The following RGSL1 variants were observed in gnomAD, a reference collection of about 807,000 sequenced individuals.
RGSL1 encodes regulator of G protein signaling like 1.
RGSL1 carries 97 observed loss-of-function variants against 124.7 expected under a neutral mutation model. The observed-to-expected ratio is 0.78, with a 90% CI of 0.66 to 0.92. RGSL1 has a LOEUF of 0.92. Among genes scored for constraint, RGSL1 ranks in the 40% least tolerant of loss-of-function variants. The probability of loss-of-function intolerance (pLI) is 0.00; values close to 1 mark genes in which losing one functional copy is unlikely to be tolerated. For synonymous variants in RGSL1, 424 were observed against 438.1 expected, an observed-to-expected ratio of 0.97 and a Z score of 0.40; for missense variants, 1,233 against 1,288.4, an observed-to-expected ratio of 0.96 and a Z score of 0.66.
intron 9 of RGSL1, among the ~76,000 whole-genome samples, chr1:182,501,340 G>C (rs1656370578): frequency 1.7e-5 from 1 of 57,218 alleles, no homozygotes; most frequent in Non-Finnish European, 3.1e-5. Flanking sequence ...TTTTTTTTGA[G>C]ACAGAGTCTT....
chr1:182,471,095 C>A (rs1021187654), intron 4 of RGSL1, among the ~76,000 whole-genome samples: 1 of 152,138 alleles, frequency 6.6e-6, no homozygotes, highest in African/African-American at 2.4e-5. Flanking sequence ...TCCCATGAAC[C>A]TTAACACATG....
chr1:182,457,397 T>G (rs1480764305), intron 2 of RGSL1, among the ~76,000 whole-genome samples: 1 of 152,200 alleles, frequency 6.6e-6, no homozygotes, highest in Non-Finnish European at 1.5e-5. Context: ...CAGTGTGTGT[T>G]GTGTTACACA....
intron 19 of RGSL1, 64 bp downstream of exon 19, chr1:182,553,605 G>C: frequency 7.1e-7 from 1 of 1,416,748 alleles, no homozygotes; most frequent in East Asian, 2.5e-5. Context: ...TTTAAAACCA[G>C]CTTGGCCAAT....
At chr1:182,553,285 A>T (rs933774277) in intron 18 of RGSL1, among the ~76,000 whole-genome samples, 170 bp from the exon 19 acceptor site, 1 of 152,234 alleles carries the variant, frequency 6.6e-6, no homozygotes, top group African/African-American at 2.4e-5. Flanking sequence ...TGGAGGCAAC[A>T]TTCAAACCAT....
rs1658856661 is a variant in RGSL1, at chr1:182,527,714, T to C, written c.2067T>C (p.Ile689=). Residue 689 remains isoleucine (I), a synonymous_variant, in exon 11 of 22, where the codon ATT becomes ATC. Coordinates refer to ENST00000294854, the MANE Select transcript of RGSL1 (RefSeq NM_001137669.2). ...TCAGTATAGAGACCAATGAAAAGAT[T>C]TGCAAGTCTCTCATAGAAAATGTAA... The part of the protein sequence containing the change: ...QKISIETNEK[I]CKSLIENVIK... The C allele has an allele frequency of 6.4e-7, 1 of 1,551,236 alleles. No individual in the cohort carries two copies. The highest frequency in any genetic ancestry group is 8.7e-7 in the Non-Finnish European group (1 of 1,146,718).
intron 11 of RGSL1, among the ~76,000 whole-genome samples, chr1:182,528,489 G>A (rs1461544686): frequency 2.0e-5 from 3 of 152,082 alleles, no homozygotes; most frequent in Admixed American, 6.6e-5. Context: ...CTGTAAAATC[G>A]AAAGCAAGTT....
intron 7 of RGSL1, 70 bp from the exon 8 acceptor site, chr1:182,488,910 A>G (rs1037023126): frequency 8.0e-7 from 1 of 1,256,212 alleles, no homozygotes; most frequent in Non-Finnish European, 1.1e-6. Context: ...GCACTGAGTT[A>G]TTACAAAATT....
At chr1:182,501,307 C>CTTTTTTTTTTTTTTTTTTTTTTTTTTTTT (rs141279993) in intron 9 of RGSL1, among the ~76,000 whole-genome samples, 21 of 61,360 alleles carry the variant, frequency 3.4e-4, no homozygotes, top group Admixed American at 8.2e-4. Flanking sequence ...TTTTTCTTTT[C>CTTTTTTTTTTTTTTTTTTTTTTTTTTTTT]TTTTTTTTTT....
chr1:182,494,609 T>A (rs976543060), intron 9 of RGSL1, among the ~76,000 whole-genome samples: 7 of 152,218 alleles, frequency 4.6e-5, no homozygotes, highest in Non-Finnish European at 7.3e-5. Context: ...ATGACAAATT[T>A]CCCTAAGTAA....
At chr1:182,508,296 T>TG (rs1432391717) in intron 9 of RGSL1, among the ~76,000 whole-genome samples, 2 of 135,264 alleles carry the variant, frequency 1.5e-5, no homozygotes, top group Admixed American at 1.5e-4. Flanking sequence ...TGGTGTTTTT[T>TG]TTTTTTTTTT....
At chr1:182,477,276 A>G (rs1352133358) in intron 6 of RGSL1, among the ~76,000 whole-genome samples, 1 of 152,082 alleles carries the variant, frequency 6.6e-6, no homozygotes, top group Non-Finnish European at 1.5e-5. Flanking sequence ...GACTCAGTCC[A>G]GCATCATTTG....
At chr1:182,492,074 G>C (rs1395662399) in intron 8 of RGSL1, among the ~76,000 whole-genome samples, 1 of 152,196 alleles carries the variant, frequency 6.6e-6, no homozygotes, top group Non-Finnish European at 1.5e-5. Flanking sequence ...ATAATATTCA[G>C]ATAGGTAAGT....
intron 4 of RGSL1, among the ~76,000 whole-genome samples, chr1:182,469,801 T>A (rs1285243484): frequency 6.6e-6 from 1 of 152,114 alleles, no homozygotes; most frequent in Non-Finnish European, 1.5e-5. Context: ...ATTTTAAATA[T>A]ATATATATGC....
chr1:182,463,430 C>CA (rs1272416232), intron 4 of RGSL1, among the ~76,000 whole-genome samples: 1 of 151,728 alleles, frequency 6.6e-6, no homozygotes, highest in Non-Finnish European at 1.5e-5. Flanking sequence ...ACTTTAGAGT[C>CA]AAAGACATAG....
intron 8 of RGSL1, 21 bp downstream of exon 8, chr1:182,489,223 T>G (rs767485666): frequency 1.3e-6 from 2 of 1,537,176 alleles, no homozygotes; most frequent in South Asian, 2.4e-5. Flanking sequence ...TCACTGTAAT[T>G]TTTTTGACCT....
intron 9 of RGSL1, among the ~76,000 whole-genome samples, chr1:182,516,330 T>C (rs1272307874): frequency 6.6e-6 from 1 of 152,242 alleles, no homozygotes; most frequent in Non-Finnish European, 1.5e-5. Flanking sequence ...CTCTATCTCC[T>C]GTCCATATCA....
chr1:182,488,046 C>A (rs952559845), intron 6 of RGSL1, among the ~76,000 whole-genome samples: 10 of 152,154 alleles, frequency 6.6e-5, no homozygotes, highest in African/African-American at 2.4e-4. Context: ...CATCTCTCTT[C>A]TTAAGTAAAT....
chr1:182,506,852 T>G (rs1294770914), intron 9 of RGSL1, among the ~76,000 whole-genome samples: 1 of 152,220 alleles, frequency 6.6e-6, no homozygotes, highest in African/African-American at 2.4e-5. Flanking sequence ...TTAGTATACT[T>G]GGGATATCCA....
At chr1:182,488,255 CAT>C (rs1655244022) in intron 6 of RGSL1, 28 bp from the exon 7 acceptor site, 6 of 1,548,522 alleles carry the variant, frequency 3.9e-6, no homozygotes, top group Non-Finnish European at 5.2e-6. Flanking sequence ...CCATCCACCT[CAT>C]AATGCATATG....
Sources: gnomAD v4.1 joint callset for allele counts (sites outside exome capture counted in the v4.1 genomes callset) on GRCh38, gnomAD v4.1.1 for gene constraint, MANE v1.5 for transcripts, NCBI Gene and HGNC (gene_info 2026-07-23, HGNC 2026-07-21) for gene names.